CWF19L1: variants seen among roughly 807,000 people sequenced by gnomAD.
CWF19L1 encodes CWF19-like protein 1.
A neutral mutation model predicts 69.7 loss-of-function variants in CWF19L1; 60 were observed. That is an observed-to-expected ratio of 0.86 (90% CI 0.70 to 1.07). CWF19L1 has a LOEUF of 1.07. Ranked by LOEUF, CWF19L1 falls within the 50% of genes least tolerant of loss-of-function variation. The probability of loss-of-function intolerance (pLI) is 0.00; values close to 1 mark genes in which losing one functional copy is unlikely to be tolerated. For synonymous variants in CWF19L1, 209 were observed against 222.2 expected, an observed-to-expected ratio of 0.94 and a Z score of 0.53; for missense variants, 591 against 638.9, an observed-to-expected ratio of 0.92 and a Z score of 0.81.
chr10:100,263,200 T>C (rs1216121352), intron 1 of CWF19L1, among the ~76,000 whole-genome samples: 1 of 152,152 alleles, frequency 6.6e-6, no homozygotes, highest in African/African-American at 2.4e-5. Flanking sequence ...CATTAAGAGG[T>C]TCCCCACTGC....
Position 100,253,408 on chromosome 10 carries a change from A to C in CWF19L1, c.623+13T>G. ...ATTCTTCAAAAAGCCAAGAAGAATG[A>C]AATGCTACTCACCGATATGGAAGCC... On this transcript the variant is annotated intron_variant, in intron 6 of 13. Transcript: ENST00000354105. 1 of 1,444,008 alleles carries C rather than the reference A, an allele frequency of 6.9e-7. No individual in the cohort carries two copies. Among genetic ancestry groups the C allele is most frequent in the Non-Finnish European group, 9.7e-7 (1 of 1,028,162 alleles). 89.4% of individuals were successfully genotyped at this position (1,444,008 alleles called of 1,614,324 possible).
chr10:100,260,702 T>C (rs1230376882), intron 3 of CWF19L1, among the ~76,000 whole-genome samples: 1 of 152,084 alleles, frequency 6.6e-6, no homozygotes, highest in Admixed American at 6.5e-5. Context: ...TTTATATTTT[T>C]AGTAGACACA....
rs550988876 is a variant in CWF19L1 at position 100,252,860 on chromosome 10, A to T, written c.623+561T>A. On this transcript the variant is annotated intron_variant, in intron 6 of 13. Coordinates refer to ENST00000354105, the MANE Select transcript of CWF19L1 (RefSeq NM_018294.6). ...AAAAAAAAAAAAAAGACAAAAAAAAATTTTTTAAATTTTCCCTCTCATTTA... is the reference window on the plus strand; with the variant it reads ...AAAAAAAAAAAAAAGACAAAAAAAATTTTTTTAAATTTTCCCTCTCATTTA... Among the ~76,000 whole-genome samples the T allele has an allele frequency of 6.8e-3, 1,039 of 151,824 alleles. 14 individuals are homozygous for T. Among genetic ancestry groups the T allele is most frequent in the African/African-American group, 0.023 (938 of 41,298 alleles).
At chr10:100,248,866 G>A in intron 7 of CWF19L1, 2 of 1,095,106 alleles carry the variant, frequency 1.8e-6, no homozygotes, top group Non-Finnish European at 2.8e-6. Context: ...AGAAAAGGCT[G>A]AGCAGCAGAA....
intron 4 of CWF19L1, 100 bp downstream of exon 4, chr10:100,260,118 A>AGATT: frequency 1.4e-6 from 1 of 691,484 alleles, no homozygotes; most frequent in South Asian, 1.8e-5. Context: ...CAGTGAGCCA[A>AGATT]GATTGCGCCA....
At chr10:100,253,798 C>A (rs1256877319) in intron 5 of CWF19L1, 3 of 371,902 alleles carry the variant, frequency 8.1e-6, no homozygotes, top group Non-Finnish European at 1.4e-5. Flanking sequence ...ATATCAATAC[C>A]CAAAACACAA....
At chr10:100,258,574 C>T (rs536835535) in intron 4 of CWF19L1, 1 of 152,280 alleles carries the variant, frequency 6.6e-6, no homozygotes, top group South Asian at 2.1e-4. Flanking sequence ...CTAAACAGTG[C>T]TCACTTCAGC....
At chr10:100,264,315 G>A (rs1169477025) in intron 1 of CWF19L1, among the ~76,000 whole-genome samples, 1 of 152,170 alleles carries the variant, frequency 6.6e-6, no homozygotes, top group African/African-American at 2.4e-5. Context: ...GGAGGCCAAG[G>A]CGAGCGGATC....
At chr10:100,237,125 G>A (rs767090083) in intron 11 of CWF19L1, 156 bp from the exon 12 acceptor site, 2 of 918,406 alleles carry the variant, frequency 2.2e-6, no homozygotes, top group South Asian at 2.8e-5. Context: ...CAGCCTGTCT[G>A]TAAGGACTTA....
At chr10:100,255,500 C>CCAT (rs1847180275) in intron 5 of CWF19L1, among the ~76,000 whole-genome samples, 1 of 151,906 alleles carries the variant, frequency 6.6e-6, no homozygotes. Context: ...CAAAAAAATC[C>CCAT]GCCTGTAATC....
At chr10:100,260,190 A>C in intron 4 of CWF19L1, 28 bp downstream of exon 4, 6 of 1,499,668 alleles carry the variant, frequency 4.0e-6, no homozygotes, top group Middle Eastern at 1.9e-4. Context: ...CAAAAAACAA[A>C]AAAAAAATAC....
At chr10:100,237,995 C>G (rs1442470585) in intron 11 of CWF19L1, 27 bp downstream of exon 11, 7 of 1,606,286 alleles carry the variant, frequency 4.4e-6, no homozygotes, top group African/African-American at 1.3e-5. Context: ...TAGCGCCCTT[C>G]CAAGTTTCTA....
intron 4 of CWF19L1, among the ~76,000 whole-genome samples, chr10:100,259,072 G>A (rs999602990): frequency 2.2e-4 from 33 of 151,600 alleles, no homozygotes; most frequent in African/African-American, 7.5e-4. Flanking sequence ...ATGGTAGTGC[G>A]TGCCTGTAAT....
chr10:100,233,568 C>T (rs990463615), intron 13 of CWF19L1, 197 bp from the exon 14 acceptor site: 23 of 408,340 alleles, frequency 5.6e-5, no homozygotes, highest in African/African-American at 4.5e-4. Flanking sequence ...CCTTCAAACC[C>T]CACTTGCTTC....
At chr10:100,267,400 A>G (rs1227137701) in intron 1 of CWF19L1, 171 bp downstream of exon 1, 1 of 983,626 alleles carries the variant, frequency 1.0e-6, no homozygotes, top group Non-Finnish European at 1.2e-6. Flanking sequence ...AAGGGCCAGG[A>G]AAAGAGGTCA....
At chr10:100,257,440 C>T (rs992671519) in intron 4 of CWF19L1, among the ~76,000 whole-genome samples, 9 of 151,870 alleles carry the variant, frequency 5.9e-5, no homozygotes, top group African/African-American at 2.2e-4. Context: ...GCTGGGACTA[C>T]AGGTGACCGC....
intron 4 of CWF19L1, among the ~76,000 whole-genome samples, chr10:100,259,662 C>T (rs770219835): frequency 1.3e-5 from 2 of 151,972 alleles, no homozygotes; most frequent in African/African-American, 4.8e-5. Flanking sequence ...GTTGTGGGAA[C>T]GCAACGATAT....
In CWF19L1 at chr10:100,253,444, G is replaced by C; in HGVS notation, c.600C>G (p.Thr200=). Residue 200 remains threonine, a synonymous_variant, in exon 6 of 14, where the codon ACC becomes ACG. Transcript: ENST00000354105. The stretch of plus-strand genomic sequence containing the variant: ...ACCGATATGGAAGCCTCTCATAATA[G>C]GTCTTTTCCAAAGCAGCAAAATGGT... The part of the protein sequence containing the change: ...PRYHFAALEK[T]YYERLPYRNH... 1 of 1,610,296 alleles carries C rather than the reference G, an allele frequency of 6.2e-7. No individual in the cohort carries two copies. The highest frequency in any genetic ancestry group is 8.5e-7 in the Non-Finnish European group (1 of 1,176,558).
chr10:100,245,934 A>T (rs752294818), intron 8 of CWF19L1, 21 bp from the exon 9 acceptor site: 1 of 1,565,006 alleles, frequency 6.4e-7, no homozygotes, highest in Non-Finnish European at 8.8e-7. Context: ...CAAAAGCAGA[A>T]GATTAAATGT....
Sources: gnomAD v4.1 joint callset for allele counts (sites outside exome capture counted in the v4.1 genomes callset) on GRCh38, gnomAD v4.1.1 for gene constraint, MANE v1.5 for transcripts, NCBI Gene and HGNC (gene_info 2026-07-23, HGNC 2026-07-21) for gene names.